XKR6: variants seen among roughly 807,000 people sequenced by gnomAD.
XKR6 encodes XK-related protein 6.
In XKR6, 22 loss-of-function variants were observed where a neutral mutation model predicts 56.7. That is an observed-to-expected ratio of 0.39 (90% CI 0.28 to 0.55). XKR6 has a LOEUF of 0.55. Ranked by LOEUF, XKR6 falls within the 20% of genes least tolerant of loss-of-function variation. XKR6 has a pLI of 0.66. For missense variants in XKR6, 852 were observed against 889.0 expected (o/e 0.96, Z 0.53); for synonymous variants, 524 against 387.8 (o/e 1.35, Z -4.13).
At chr8:10,975,386 G>A (rs955239101) in intron 1 of XKR6, among the ~76,000 whole-genome samples, 2 of 152,306 alleles carry the variant, frequency 1.3e-5, no homozygotes, top group Non-Finnish European at 2.9e-5. Context: ...TCCCCAGCGC[G>A]CCTAAAGGCA....
chr8:11,074,327 AT>A (rs1183689545), intron 1 of XKR6, among the ~76,000 whole-genome samples: 5 of 152,196 alleles, frequency 3.3e-5, no homozygotes, highest in South Asian at 4.2e-4. Context: ...ACATGGCCCC[AT>A]GGCCACTGCC....
At chr8:10,909,586 C>T (rs1460055886) in intron 2 of XKR6, among the ~76,000 whole-genome samples, 3 of 152,190 alleles carry the variant, frequency 2.0e-5, no homozygotes, top group South Asian at 2.1e-4. Context: ...AATGAGTCCA[C>T]AGCTATTCTT....
intron 1 of XKR6, among the ~76,000 whole-genome samples, chr8:11,102,518 G>A (rs1024162524): frequency 6.6e-6 from 1 of 152,168 alleles, no homozygotes; most frequent in Admixed American, 6.5e-5. Flanking sequence ...GGACAGACAG[G>A]AAGCAAGAAT....
chr8:11,076,421 A>G (rs1800275906), intron 1 of XKR6, among the ~76,000 whole-genome samples: 1 of 152,170 alleles, frequency 6.6e-6, no homozygotes, highest in African/African-American at 2.4e-5. Flanking sequence ...ACTTGAATCC[A>G]TATTTCCTGC....
intron 1 of XKR6, among the ~76,000 whole-genome samples, chr8:11,126,408 T>C (rs1009375487): frequency 2.0e-5 from 3 of 152,184 alleles, no homozygotes; most frequent in Non-Finnish European, 4.4e-5. Flanking sequence ...AACTCTACAT[T>C]TTCTTATGCT....
intron 2 of XKR6, among the ~76,000 whole-genome samples, chr8:10,913,282 T>C (rs117349517): frequency 1.3e-5 from 2 of 152,120 alleles, no homozygotes; most frequent in African/African-American, 2.4e-5. Context: ...ATCTGCCTTT[T>C]TCGCCTCTGT....
chr8:11,126,008 A>C (rs951230241), intron 1 of XKR6: 1 of 151,984 alleles, frequency 6.6e-6, no homozygotes, highest in Non-Finnish European at 1.5e-5. Context: ...AACACCAAGT[A>C]AGTCTGCTCT....
intron 1 of XKR6, among the ~76,000 whole-genome samples, chr8:11,095,362 C>G (rs1798235239): frequency 6.6e-6 from 1 of 152,088 alleles, no homozygotes; most frequent in East Asian, 1.9e-4. Flanking sequence ...TAAGTTTTTT[C>G]TTTTTAAGAA....
chr8:11,053,524 C>G (rs1030558939), intron 1 of XKR6, among the ~76,000 whole-genome samples: 1 of 152,170 alleles, frequency 6.6e-6, no homozygotes, highest in Non-Finnish European at 1.5e-5. Flanking sequence ...GGGCGGCATC[C>G]CTGCAGGTCT....
chr8:11,037,323 T>A (rs1302412696), intron 1 of XKR6, among the ~76,000 whole-genome samples: 1 of 152,190 alleles, frequency 6.6e-6, no homozygotes, highest in Non-Finnish European at 1.5e-5. Flanking sequence ...CCTCCCGGGC[T>A]CAAGCCGTCC....
chr8:10,940,952 G>C (rs1026109012), intron 1 of XKR6, among the ~76,000 whole-genome samples: 1 of 152,160 alleles, frequency 6.6e-6, no homozygotes, highest in Non-Finnish European at 1.5e-5. Context: ...GGATGCCAAG[G>C]CTGGGGTCAC....
intron 1 of XKR6, among the ~76,000 whole-genome samples, chr8:11,058,504 G>A (rs2129162651): frequency 6.6e-6 from 1 of 152,310 alleles, no homozygotes; most frequent in Middle Eastern, 3.4e-3. Context: ...ATACTATGCA[G>A]CCATAAAAAA....
intron 1 of XKR6, among the ~76,000 whole-genome samples, chr8:10,958,453 C>T (rs1236659213): frequency 2.6e-5 from 4 of 152,214 alleles, no homozygotes; most frequent in Non-Finnish European, 5.9e-5. Flanking sequence ...CCCAGGAGGG[C>T]CCACATCCAG....
At chr8:11,063,957 C>A (rs986551984) in intron 1 of XKR6, among the ~76,000 whole-genome samples, 8 of 152,188 alleles carry the variant, frequency 5.3e-5, no homozygotes, top group Non-Finnish European at 1.0e-4. Flanking sequence ...AACTTGCCAT[C>A]GGGTCTGACA....
At chr8:11,016,747 A>G (rs906962515) in intron 1 of XKR6, among the ~76,000 whole-genome samples, 4 of 149,910 alleles carry the variant, frequency 2.7e-5, no homozygotes, top group Non-Finnish European at 4.5e-5. Flanking sequence ...TTGCTCCCCA[A>G]CCCCTCCTTG....
rs116887245 is a variant in XKR6, at chr8:11,037,009, C to T, written c.765-112179G>A. 4.7e-4 allele frequency among the ~76,000 whole-genome samples: 71 copies of T among 152,300 alleles called. No individual in the cohort carries two copies. The East Asian group carries it at 0.013, about 27-fold the overall frequency. On this transcript the variant is annotated intron_variant, in intron 1 of 2. Transcript: ENST00000416569. The stretch of plus-strand genomic sequence containing the variant: ...GGGTATGAAAGCCAGCTGAAAACGT[C>T]GGTGCCCTCTGCAGGTTTTTGTATT...
At chr8:11,137,178 C>G (rs934656853) in intron 1 of XKR6, 1 of 168,328 alleles carries the variant, frequency 5.9e-6, no homozygotes, top group Non-Finnish European at 1.3e-5. Context: ...GTCCATCCAT[C>G]CATCATCATG....
intron 1 of XKR6, among the ~76,000 whole-genome samples, chr8:11,097,555 C>T (rs1742772412): frequency 6.6e-6 from 1 of 151,368 alleles, no homozygotes; most frequent in African/African-American, 2.4e-5. Context: ...CACCTGTAAT[C>T]CCAGCACTTT....
At chr8:10,988,208 C>A (rs1423182778) in intron 1 of XKR6, among the ~76,000 whole-genome samples, 2 of 152,100 alleles carry the variant, frequency 1.3e-5, no homozygotes, top group Non-Finnish European at 2.9e-5. Flanking sequence ...TTATCTGACT[C>A]CCTTCTAGAA....
Sources: gnomAD v4.1 joint callset for allele counts (sites outside exome capture counted in the v4.1 genomes callset) on GRCh38, gnomAD v4.1.1 for gene constraint, MANE v1.5 for transcripts, NCBI Gene and HGNC (gene_info 2026-07-23, HGNC 2026-07-21) for gene names.